The following PLCL2 variants were observed in gnomAD, a reference collection of about 807,000 sequenced individuals.
The protein encoded by PLCL2 is inactive phospholipase C-like protein 2.
A neutral mutation model predicts 79.6 loss-of-function variants in PLCL2; 4 were observed. That is an observed-to-expected ratio of 0.05 (90% CI 0.02 to 0.11). The LOEUF is 0.11. PLCL2 is among the 10% of genes least tolerant of loss of function. PLCL2 has a pLI of 1.00. For synonymous variants in PLCL2, 484 were observed against 457.7 expected (o/e 1.06, Z -0.73); for missense variants, 895 against 1,291.0 (o/e 0.69, Z 4.70).
intron 5 of PLCL2, among the ~76,000 whole-genome samples, chr3:17,077,682 G>T (rs1293771535): frequency 6.6e-6 from 1 of 152,180 alleles, no homozygotes; most frequent in African/African-American, 2.4e-5. Flanking sequence ...GAAGAGTCCT[G>T]TTTTCATTGG....
intron 1 of PLCL2, among the ~76,000 whole-genome samples, chr3:16,889,756 T>G (rs1365176513): frequency 6.6e-6 from 1 of 152,216 alleles, no homozygotes; most frequent in African/African-American, 2.4e-5. Flanking sequence ...TTAAATAAAC[T>G]AGGCTCCTTG....
At chr3:16,927,676 C>T (rs1697287908) in intron 1 of PLCL2, among the ~76,000 whole-genome samples, 1 of 152,170 alleles carries the variant, frequency 6.6e-6, no homozygotes, top group South Asian at 2.1e-4. Flanking sequence ...GATGTAGGCT[C>T]TACCCACTAG....
At chr3:16,954,013 G>C (rs544590001) in intron 1 of PLCL2, among the ~76,000 whole-genome samples, 1 of 151,480 alleles carries the variant, frequency 6.6e-6, no homozygotes, top group African/African-American at 2.4e-5. Flanking sequence ...ATACATTTTT[G>C]TTTGTTTGTT....
At chr3:16,959,592 C>T (rs879890852) in intron 1 of PLCL2, among the ~76,000 whole-genome samples, 3 of 152,030 alleles carry the variant, frequency 2.0e-5, no homozygotes, top group East Asian at 1.9e-4. Context: ...GAGCATGGAC[C>T]TTCCCTCCTG....
rs940811058 is a variant in PLCL2 at position 16,949,803 on chromosome 3, A to T, written c.328-59871A>T. 2.6e-5 allele frequency among the ~76,000 whole-genome samples: 4 copies of T among 152,112 alleles called. No individual in the cohort carries two copies. The East Asian group carries it at 7.7e-4, about 29-fold the overall frequency. The stretch of plus-strand genomic sequence containing the variant: ...GGCTTAGGTCTTTAATTATTCTGGA[A>T]TATTTTGGGTGTGTGTGACTTGTGT... On this transcript the variant is annotated intron_variant, in intron 1 of 5. Coordinates refer to ENST00000615277, the MANE Select transcript of PLCL2 (RefSeq NM_001144382.2).
At chr3:17,061,457 A>C (rs1272239583) in intron 4 of PLCL2, among the ~76,000 whole-genome samples, 1 of 152,142 alleles carries the variant, frequency 6.6e-6, no homozygotes, top group African/African-American at 2.4e-5. Flanking sequence ...CCATCTTGAA[A>C]TTTTTGCACC....
At chr3:17,050,400 A>G (rs2064827517) in intron 4 of PLCL2, among the ~76,000 whole-genome samples, 1 of 152,208 alleles carries the variant, frequency 6.6e-6, no homozygotes, top group Admixed American at 6.6e-5. Context: ...TGAATGGGAC[A>G]AGGAATTAAT....
chr3:17,059,374 G>A (rs1413315443), intron 4 of PLCL2, among the ~76,000 whole-genome samples: 1 of 87,626 alleles, frequency 1.1e-5, no homozygotes, highest in Non-Finnish European at 2.1e-5. Flanking sequence ...GCGAGAATCT[G>A]TCTCAAAAAA....
At chr3:17,031,044 A>G (rs1457683278) in intron 3 of PLCL2, among the ~76,000 whole-genome samples, 3 of 152,198 alleles carry the variant, frequency 2.0e-5, no homozygotes, top group Admixed American at 2.0e-4. Context: ...GACTTGAAAG[A>G]GTTAACGTAG....
chr3:16,970,903 G>A (rs1487964321), intron 1 of PLCL2, among the ~76,000 whole-genome samples: 65 of 151,714 alleles, frequency 4.3e-4, no homozygotes, highest in Middle Eastern at 3.4e-3. Flanking sequence ...ACTTTTTGAT[G>A]GGGTTGTTTG....
At chr3:16,951,221 G>A (rs1308763293) in intron 1 of PLCL2, among the ~76,000 whole-genome samples, 1 of 152,024 alleles carries the variant, frequency 6.6e-6, no homozygotes. Flanking sequence ...GCCGTTTTAA[G>A]AGGTAGATCT....
intron 4 of PLCL2, among the ~76,000 whole-genome samples, chr3:17,050,889 G>T (rs2064832295): frequency 2.6e-5 from 4 of 152,172 alleles, no homozygotes; most frequent in Non-Finnish European, 5.9e-5. Flanking sequence ...AGATGTGGAA[G>T]CAACCTAAGC....
At chr3:17,079,999 C>T (rs1050298905) in intron 5 of PLCL2, among the ~76,000 whole-genome samples, 1 of 152,206 alleles carries the variant, frequency 6.6e-6, no homozygotes, top group Non-Finnish European at 1.5e-5. Context: ...CCTTTCCGCT[C>T]CTGCACAGAA....
rs117721472 is a variant in PLCL2, at chr3:17,036,007, A to G, written c.3019-6867A>G. ...TAATTTGCGTAGTGGAAGATGTGGT[A>G]GTGGAAATGAAGTTTCATAAGAAAC... On this transcript the variant is annotated intron_variant, in intron 3 of 5. Transcript: ENST00000615277. 2.7e-3 allele frequency among the ~76,000 whole-genome samples: 414 copies of G among 152,246 alleles called. 13 individuals are homozygous for G. The highest frequency in any genetic ancestry group is 0.022 in the Admixed American group (332 of 15,284).
intron 4 of PLCL2, chr3:17,044,186 G>A (rs2124922161): frequency 6.6e-6 from 1 of 152,480 alleles, no homozygotes; most frequent in South Asian, 2.1e-4. Context: ...TCCATGGGCA[G>A]ACCTGATGGG....
At chr3:16,933,560 T>C (rs1268079293) in intron 1 of PLCL2, among the ~76,000 whole-genome samples, 1 of 152,228 alleles carries the variant, frequency 6.6e-6, no homozygotes, top group Admixed American at 6.5e-5. Context: ...TCAGCACATA[T>C]ATTCATATGC....
Position 17,010,961 on chromosome 3 carries a change from T to C in PLCL2, c.1615T>C (p.Leu539=), listed in dbSNP as rs770844300. Residue 539 remains leucine (L), a synonymous_variant, in exon 2 of 6, where the codon TTA becomes CTA. Coordinates refer to ENST00000615277, the MANE Select transcript of PLCL2 (RefSeq NM_001144382.2). The surrounding 1 kb of genome is among the most constrained non-coding windows in gnomAD (Gnocchi z 5.8). The part of the protein sequence containing the change: ...KVMVQHMKKL[L]GDKLYTTSPN... ...AATGGTTCAGCACATGAAGAAACTT[T>C]TAGGAGACAAGCTCTATACAACATC... 7 of 1,614,080 alleles carry C rather than the reference T, an allele frequency of 4.3e-6. No individual in the cohort carries two copies. In the South Asian group the frequency reaches 6.6e-5, roughly 15 times the overall value.
intron 1 of PLCL2, among the ~76,000 whole-genome samples, chr3:16,990,711 A>AG (rs1295115402): frequency 2.6e-5 from 4 of 152,186 alleles, no homozygotes; most frequent in Non-Finnish European, 5.9e-5. Flanking sequence ...AAGAACAAGT[A>AG]GTTATTTTCT....
chr3:16,919,262 T>TA (rs1553634975), intron 1 of PLCL2, among the ~76,000 whole-genome samples: 1 of 152,170 alleles, frequency 6.6e-6, no homozygotes, highest in Non-Finnish European at 1.5e-5. Context: ...ATTTTTGTAC[T>TA]ATTTAGTTAT....
Sources: allele counts gnomAD v4.1 joint callset (sites outside exome capture counted in the v4.1 genomes callset), GRCh38; gene constraint gnomAD v4.1.1; non-coding constraint Gnocchi (gnomAD v3.1); transcripts MANE v1.5; gene names NCBI Gene and HGNC (gene_info 2026-07-23, HGNC 2026-07-21).